GRIK1: variants seen among roughly 807,000 people sequenced by gnomAD.
GRIK1 encodes glutamate receptor ionotropic, kainate 1.
GRIK1 carries 69 observed loss-of-function variants against 105.7 expected under a neutral mutation model. That is an observed-to-expected ratio of 0.65 (90% CI 0.54 to 0.80). The LOEUF is 0.80. Ranked by LOEUF, GRIK1 falls within the 30% of genes least tolerant of loss-of-function variation. GRIK1 has a pLI of 0.00. For synonymous variants in GRIK1, 438 were observed against 431.3 expected (o/e 1.02, Z -0.19); for missense variants, 1,109 against 1,167.3 (o/e 0.95, Z 0.73).
intron 1 of GRIK1, among the ~76,000 whole-genome samples, chr21:29,800,959 C>A (rs1159330823): frequency 6.6e-6 from 1 of 152,070 alleles, no homozygotes; most frequent in Non-Finnish European, 1.5e-5. Flanking sequence ...ACTCCAAAGC[C>A]AGCAACTGGT....
At chr21:29,825,059 A>G (rs1368924883) in intron 1 of GRIK1, among the ~76,000 whole-genome samples, 3 of 152,094 alleles carry the variant, frequency 2.0e-5, no homozygotes, top group Admixed American at 2.0e-4. Flanking sequence ...AATTATTTTA[A>G]TAAATGATTA....
intron 6 of GRIK1, among the ~76,000 whole-genome samples, chr21:29,646,168 A>G (rs2062613060): frequency 6.6e-6 from 1 of 152,322 alleles, no homozygotes; most frequent in African/African-American, 2.4e-5. Context: ...TCTCTGGGCC[A>G]TGCTGTATCA....
At chr21:29,721,634 G>A (rs1023254363) in intron 1 of GRIK1, among the ~76,000 whole-genome samples, 3 of 151,866 alleles carry the variant, frequency 2.0e-5, no homozygotes, top group African/African-American at 2.4e-5. Context: ...AGAAGAGGTA[G>A]GAAATAGGCA....
At position 29,604,327 on chromosome 21, in the gene GRIK1, A is replaced by T. The variant is rs142375532; in HGVS notation, c.1099-5390T>A. 1.8e-3 allele frequency among the ~76,000 whole-genome samples: 279 copies of T among 152,312 alleles called. 1 individual carries two copies. Among genetic ancestry groups the T allele is most frequent in the African/African-American group, 6.4e-3 (268 of 41,576 alleles). On this transcript the variant is annotated intron_variant, in intron 7 of 17. Transcript: ENST00000327783. ...CTGTGTGGTTCTTCACTGAAAGGAAATATCTTTGACCTTCAACGTCAAATT... is the reference window on the plus strand; with the variant it reads ...CTGTGTGGTTCTTCACTGAAAGGAATTATCTTTGACCTTCAACGTCAAATT...
At chr21:29,654,772 C>G in intron 5 of GRIK1, 38 bp downstream of exon 5, 2 of 1,185,138 alleles carry the variant, frequency 1.7e-6, no homozygotes, top group Non-Finnish European at 2.5e-6. Context: ...GAAGACGTTT[C>G]CTACCATGTG....
rs146079570 is a variant in GRIK1, at chr21:29,737,672, A to G, written c.119-43609T>C. 4.7e-3 allele frequency among the ~76,000 whole-genome samples: 713 copies of G among 152,380 alleles called. 8 individuals are homozygous for G. Among genetic ancestry groups the G allele is most frequent in the African/African-American group, 0.016 (685 of 41,598 alleles). ...ACATTAAAGAAGGCTTTGCCGGCCCATCTGGGGCAACCCAAGCCTTTAATT... is the reference window on the plus strand; with the variant it reads ...ACATTAAAGAAGGCTTTGCCGGCCCGTCTGGGGCAACCCAAGCCTTTAATT... On this transcript the variant is annotated intron_variant, in intron 1 of 17. Transcript: ENST00000327783.
At chr21:29,609,284 C>T (rs2061681462) in intron 7 of GRIK1, among the ~76,000 whole-genome samples, 1 of 152,070 alleles carries the variant, frequency 6.6e-6, no homozygotes, top group African/African-American at 2.4e-5. Flanking sequence ...ACCTTATTCT[C>T]CCTGACCACT....
At chr21:29,787,683 T>G (rs1237509821) in intron 1 of GRIK1, among the ~76,000 whole-genome samples, 2 of 152,246 alleles carry the variant, frequency 1.3e-5, no homozygotes, top group Non-Finnish European at 2.9e-5. Context: ...AGAGATATCC[T>G]TGACATTTTC....
intron 1 of GRIK1, among the ~76,000 whole-genome samples, chr21:29,836,471 A>G (rs1260266723): frequency 3.3e-5 from 5 of 152,198 alleles, no homozygotes; most frequent in Admixed American, 1.3e-4. Context: ...AAAAGTCCCT[A>G]TGTACAGTGG....
At chr21:29,684,102 G>A (rs1042227984) in intron 3 of GRIK1, among the ~76,000 whole-genome samples, 6 of 152,068 alleles carry the variant, frequency 3.9e-5, no homozygotes, top group Admixed American at 3.9e-4. Context: ...ATTTTCTACT[G>A]TCTATCTACT....
intron 1 of GRIK1, among the ~76,000 whole-genome samples, chr21:29,925,569 C>G (rs2071339764): frequency 6.6e-6 from 1 of 152,122 alleles, no homozygotes; most frequent in Admixed American, 6.5e-5. Context: ...AAGAAAAGCT[C>G]AAATGTTACT....
At chr21:29,930,189 A>G (rs2071519136) in intron 1 of GRIK1, among the ~76,000 whole-genome samples, 3 of 152,220 alleles carry the variant, frequency 2.0e-5, no homozygotes, top group Admixed American at 2.0e-4. Context: ...AGCGCTACCC[A>G]GAATTCAAAA....
chr21:29,907,383 C>T (rs1158460068), intron 1 of GRIK1, among the ~76,000 whole-genome samples: 5 of 151,950 alleles, frequency 3.3e-5, no homozygotes, highest in Non-Finnish European at 7.4e-5. Context: ...CTAGATCATA[C>T]AAAAGTATTG....
intron 9 of GRIK1, among the ~76,000 whole-genome samples, chr21:29,591,558 C>CTATT (rs1439394877): frequency 1.3e-5 from 2 of 152,110 alleles, no homozygotes; most frequent in Non-Finnish European, 2.9e-5. Context: ...TGCTGAGCAT[C>CTATT]TATTTATGTG....
intron 1 of GRIK1, among the ~76,000 whole-genome samples, chr21:29,810,358 T>G (rs1038452143): frequency 1.3e-5 from 2 of 151,816 alleles, no homozygotes; most frequent in African/African-American, 4.8e-5. Context: ...CTGAAATATT[T>G]CAAGAATTAC....
chr21:29,560,372 C>CTTTTT lies in GRIK1; in HGVS notation c.2356+1251_2356+1252insAAAAA, dbSNP rs1568813727. On this transcript the variant is annotated intron_variant, in intron 15 of 17. Coordinates refer to ENST00000327783, the MANE Select transcript of GRIK1 (RefSeq NM_001330994.2). ...CTTTCTTTCTTTTTCTTTCTTCCTT[C>CTTTTT]CTTCCTTCCTTCCTTCCTTCCTTCC... Among the ~76,000 whole-genome samples the CTTTTT allele has an allele frequency of 1.9e-4, 6 of 31,826 alleles. 1 individual carries two copies. Among genetic ancestry groups the CTTTTT allele is most frequent in the East Asian group, 2.3e-3 (2 of 858 alleles). The allele number at this position is 31,826 out of a possible 152,430, so 20.9% of individuals were successfully genotyped here.
intron 15 of GRIK1, among the ~76,000 whole-genome samples, chr21:29,560,343 C>CTTTCTTTT: frequency 9.2e-6 from 1 of 109,248 alleles, no homozygotes; most frequent in African/African-American, 3.9e-5. Flanking sequence ...TTCTTTCTTT[C>CTTTCTTTT]TTTCTTTCTT....
At chr21:29,809,495 T>C (rs916148483) in intron 1 of GRIK1, among the ~76,000 whole-genome samples, 1 of 152,222 alleles carries the variant, frequency 6.6e-6, no homozygotes, top group Non-Finnish European at 1.5e-5. Context: ...GCCTCGTTAT[T>C]GATGACCTTG....
chr21:29,776,403 A>G (rs912916200), intron 1 of GRIK1, among the ~76,000 whole-genome samples: 3 of 152,256 alleles, frequency 2.0e-5, no homozygotes. Flanking sequence ...TGTAATCAGC[A>G]TATAATTTGA....
Sources: gnomAD v4.1 joint callset for allele counts (sites outside exome capture counted in the v4.1 genomes callset) on GRCh38, gnomAD v4.1.1 for gene constraint, MANE v1.5 for transcripts, NCBI Gene and HGNC (gene_info 2026-07-23, HGNC 2026-07-21) for gene names.